MLIP: variants seen among roughly 807,000 people sequenced by gnomAD.
MLIP encodes the protein muscular LMNA-interacting protein.
A neutral mutation model predicts 84.8 loss-of-function variants in MLIP; 79 were observed. The observed-to-expected ratio is 0.93, with a 90% confidence interval of 0.78 to 1.12. The LOEUF (loss-of-function observed/expected upper bound fraction) is 1.12. Among genes scored for constraint, MLIP ranks in the 50% most tolerant of loss-of-function variants. MLIP has a pLI of 0.00. For missense variants in MLIP, 1,257 were observed against 1,160.6 expected (o/e 1.08, Z -1.21); for synonymous variants, 504 against 463.0 (o/e 1.09, Z -1.14).
chr6:54,100,886 G>T (rs559885302), intron 1 of MLIP, among the ~76,000 whole-genome samples: 2 of 152,124 alleles, frequency 1.3e-5, no homozygotes, highest in Admixed American at 1.3e-4. Context: ...GGTTTGTTTT[G>T]CCCAGGATGA....
rs140196370 is a variant in MLIP, at chr6:54,029,847, G to C, written c.63+10756G>C. Reference sequence around the variant, plus strand: ...AGTGGTTTTGGTGGTTAAATGCTGGGATGCGGTGGTAAGAATCAAATCTGG... The same window carrying C: ...AGTGGTTTTGGTGGTTAAATGCTGGCATGCGGTGGTAAGAATCAAATCTGG... On this transcript the variant is annotated intron_variant, in intron 1 of 12. Coordinates refer to the MLIP transcript ENST00000274897. Among the ~76,000 whole-genome samples the C allele has an allele frequency of 6.9e-4, 105 of 152,188 alleles. 1 individual carries two copies. The East Asian group carries it at 0.016, about 23-fold the overall frequency.
At chr6:54,021,402 T>C (rs147273057) in intron 1 of MLIP, among the ~76,000 whole-genome samples, 8 of 152,346 alleles carry the variant, frequency 5.3e-5, no homozygotes, top group African/African-American at 1.9e-4. Flanking sequence ...AGTGCTATAG[T>C]ATGTGTCACG....
At chr6:54,083,757 T>C in intron 1 of MLIP, 1 of 926,540 alleles carries the variant, frequency 1.1e-6, no homozygotes, top group Non-Finnish European at 1.7e-6. Context: ...TGGCTGTTTA[T>C]AATGGTATCA....
intron 1 of MLIP, chr6:54,046,609 C>T (rs530214524): frequency 1.3e-5 from 2 of 152,206 alleles, no homozygotes; most frequent in Middle Eastern, 6.8e-3. Flanking sequence ...TATTATTTGA[C>T]ATTAAGACTG....
At chr6:54,154,545 A>G (rs1380407191) in intron 5 of MLIP, among the ~76,000 whole-genome samples, 2 of 152,134 alleles carry the variant, frequency 1.3e-5, no homozygotes, top group Non-Finnish European at 2.9e-5. Context: ...AAATTCCCTA[A>G]AGCATCAAGG....
chr6:54,195,314 C>G (rs1778217698), intron 10 of MLIP, among the ~76,000 whole-genome samples: 2 of 152,008 alleles, frequency 1.3e-5, no homozygotes, highest in Admixed American at 1.3e-4. Flanking sequence ...TTAAAATAAA[C>G]TCTTGAAAGC....
At chr6:54,099,688 CAG>C (rs1359561445) in intron 1 of MLIP, 2 of 152,092 alleles carry the variant, frequency 1.3e-5, no homozygotes, top group African/African-American at 4.8e-5. Flanking sequence ...AGGGATATCA[CAG>C]AGAGGTTTTT....
intron 12 of MLIP, among the ~76,000 whole-genome samples, chr6:54,251,763 T>A (rs1782540359): frequency 1.0e-5 from 1 of 99,372 alleles, no homozygotes; most frequent in Non-Finnish European, 1.8e-5. Context: ...TAATATATAA[T>A]ATAAATATAT....
intron 1 of MLIP, among the ~76,000 whole-genome samples, chr6:54,049,002 C>A (rs1313077478): frequency 2.6e-5 from 4 of 152,146 alleles, no homozygotes. Context: ...CCTGGGTCAT[C>A]TGGCTACTTT....
intron 12 of MLIP, among the ~76,000 whole-genome samples, chr6:54,251,997 ATT>A (rs1180700986): frequency 1.2e-5 from 1 of 86,614 alleles, no homozygotes; most frequent in Non-Finnish European, 1.9e-5. Flanking sequence ...AAATATATAT[ATT>A]ATAACATAAT....
chr6:54,223,046 G>C (rs1305641371), intron 11 of MLIP, among the ~76,000 whole-genome samples: 2 of 151,648 alleles, frequency 1.3e-5, no homozygotes, highest in Non-Finnish European at 2.9e-5. Flanking sequence ...ATCTGTTCAG[G>C]TCCCTTGCCC....
Position 54,266,247 on chromosome 6 carries a change from C to T in MLIP, c.*292C>T, listed in dbSNP as rs1783674437. ...AATACTAACGTGCCCCTATATTTGG[C>T]AGCCAAATAAAGAAGAATCGTGGGT... On this transcript the variant is annotated 3_prime_UTR_variant, in exon 14 of 14. Coordinates refer to ENST00000502396, the MANE Select transcript of MLIP (RefSeq NM_001281747.2). The T allele has an allele frequency of 3.2e-6, 1 of 314,890 alleles. No individual in the cohort carries two copies. The allele number at this position is 314,890 out of a possible 1,614,324, so 19.5% of individuals were successfully genotyped here.
At chr6:54,232,915 T>C (rs1781103507) in intron 12 of MLIP, among the ~76,000 whole-genome samples, 1 of 152,214 alleles carries the variant, frequency 6.6e-6, no homozygotes, top group African/African-American at 2.4e-5. Context: ...CAATAGGTGT[T>C]CAACAGGTTG....
At chr6:54,182,795 T>G (rs1262917262) in intron 9 of MLIP, among the ~76,000 whole-genome samples, 2 of 152,188 alleles carry the variant, frequency 1.3e-5, no homozygotes, top group African/African-American at 4.8e-5. Flanking sequence ...AAGAATAACC[T>G]CTGAAAATAG....
chr6:54,057,601 C>CA (rs1582047901), intron 1 of MLIP, among the ~76,000 whole-genome samples: 3 of 152,180 alleles, frequency 2.0e-5, no homozygotes, highest in African/African-American at 7.2e-5. Flanking sequence ...AATCTCTTTG[C>CA]AACATCCATG....
At chr6:54,127,837 T>A (rs1210316080) in intron 3 of MLIP, among the ~76,000 whole-genome samples, 1 of 152,090 alleles carries the variant, frequency 6.6e-6, no homozygotes, top group East Asian at 1.9e-4. Flanking sequence ...TTATGTAAAA[T>A]AAGCTGTTGA....
rs570541213 is a variant in MLIP at position 54,261,904 on chromosome 6, A to C, written c.2977-4046A>C. The C allele has an allele frequency of 3.4e-4, 78 of 231,810 alleles. 1 individual carries two copies. In the South Asian group the frequency reaches 0.012, roughly 36 times the overall value. The allele number at this position is 231,810 out of a possible 1,614,324, so 14.4% of individuals were successfully genotyped here. A position where few individuals can be genotyped will look rare whatever the true frequency, so the allele number is the denominator to read the frequency against. On this transcript the variant is annotated intron_variant, in intron 13 of 13. Coordinates refer to ENST00000502396, the MANE Select transcript of MLIP (RefSeq NM_001281747.2). ...GCTGAGAGTTGAAGGTTGTAATCTT[A>C]GGCAAGAATTTGGAATCTGGATATT...
Position 54,126,418 on chromosome 6 carries a change from G to A in MLIP, c.645+1553G>A, listed in dbSNP as rs1244193384. On this transcript the variant is annotated intron_variant, in intron 3 of 13. Transcript: ENST00000502396. Reference sequence around the variant, plus strand: ...TCCAAAAAAGGTTATTTAGGAGCAGGTTATAGTTCATGTTATTAGAGCTCT... The same window carrying A: ...TCCAAAAAAGGTTATTTAGGAGCAGATTATAGTTCATGTTATTAGAGCTCT... 4.0e-5 allele frequency among the ~76,000 whole-genome samples: 6 copies of A among 151,622 alleles called. No homozygotes were observed. The East Asian group carries it at 1.2e-3, about 29-fold the overall frequency.
intron 1 of MLIP, among the ~76,000 whole-genome samples, chr6:54,021,377 A>T (rs75941921): frequency 0.027 from 4,096 of 152,192 alleles, 192 homozygotes; most frequent in African/African-American, 0.093. Flanking sequence ...TCTCATAAGG[A>T]TCTTTATTAT....
Sources: allele counts gnomAD v4.1 joint callset (sites outside exome capture counted in the v4.1 genomes callset), GRCh38; gene constraint gnomAD v4.1.1; transcripts MANE v1.5; gene names NCBI Gene and HGNC (gene_info 2026-07-23, HGNC 2026-07-21).